Variants in TGFBR2 observed in about 807,000 individuals in gnomAD.
TGFBR2 encodes transforming growth factor beta receptor 2, also known as TGF-beta receptor type-2.
In TGFBR2, 18 loss-of-function variants were observed where a neutral mutation model predicts 49.0. That is an observed-to-expected ratio of 0.37 (90% CI 0.25 to 0.54). TGFBR2 has a LOEUF of 0.54. Among genes scored for constraint, TGFBR2 ranks in the 20% least tolerant of loss-of-function variants. TGFBR2 has a pLI of 0.85. For missense variants in TGFBR2, 525 were observed against 722.6 expected (o/e 0.73, Z 3.13); for synonymous variants, 282 against 275.9 (o/e 1.02, Z -0.22).
At chr3:30,619,645 C>A (rs542887838) in intron 1 of TGFBR2, among the ~76,000 whole-genome samples, 2 of 152,230 alleles carry the variant, frequency 1.3e-5, no homozygotes, top group East Asian at 3.9e-4. Context: ...TTTTTGCTTA[C>A]AAATTTCCTA....
At chr3:30,643,827 G>A (rs1267368133) in intron 1 of TGFBR2, among the ~76,000 whole-genome samples, 1 of 152,220 alleles carries the variant, frequency 6.6e-6, no homozygotes, top group East Asian at 1.9e-4. Flanking sequence ...ATAAAACAGA[G>A]TTGCTATAGG....
intron 3 of TGFBR2, among the ~76,000 whole-genome samples, chr3:30,665,089 T>C (rs944374580): frequency 2.0e-5 from 3 of 152,212 alleles, no homozygotes; most frequent in Non-Finnish European, 2.9e-5. Context: ...AGAGAGATTC[T>C]TGTGAAGTTG....
At chr3:30,626,522 A>C (rs60697215) in intron 1 of TGFBR2, 1 of 152,308 alleles carries the variant, frequency 6.6e-6, no homozygotes, top group South Asian at 2.1e-4. Flanking sequence ...CCCCAGGGCC[A>C]TGCTACTCCA....
intron 1 of TGFBR2, among the ~76,000 whole-genome samples, chr3:30,629,281 C>G (rs1698393702): frequency 6.6e-6 from 1 of 152,194 alleles, no homozygotes; most frequent in Non-Finnish European, 1.5e-5. Flanking sequence ...TCCATGTGTC[C>G]TCATGGCTAC....
intron 4 of TGFBR2, 30 bp from the exon 5 acceptor site, chr3:30,674,075 G>A (rs1214081617): frequency 6.2e-7 from 1 of 1,613,978 alleles, no homozygotes; most frequent in Non-Finnish European, 8.5e-7. Flanking sequence ...GGAATTAAAT[G>A]ATGGGCCTCA....
At chr3:30,646,430 A>G (rs568023103) in intron 2 of TGFBR2, among the ~76,000 whole-genome samples, 17 of 152,334 alleles carry the variant, frequency 1.1e-4, no homozygotes, top group African/African-American at 3.8e-4. Context: ...TGGCCTGGGC[A>G]ATTAGACATG....
intron 3 of TGFBR2, among the ~76,000 whole-genome samples, chr3:30,660,533 C>T (rs953736873): frequency 6.6e-6 from 1 of 152,132 alleles, no homozygotes; most frequent in Non-Finnish European, 1.5e-5. Flanking sequence ...TCACGTTCCC[C>T]CTGTAGCCTG....
intron 1 of TGFBR2, among the ~76,000 whole-genome samples, chr3:30,632,686 C>G (rs1698459343): frequency 6.6e-6 from 1 of 152,128 alleles, no homozygotes; most frequent in Non-Finnish European, 1.5e-5. Context: ...TGGAATGTTA[C>G]CTTTCTAGCA....
chr3:30,670,454 C>A (rs565068167), intron 3 of TGFBR2, among the ~76,000 whole-genome samples: 1 of 152,270 alleles, frequency 6.6e-6, no homozygotes, highest in South Asian at 2.1e-4. Flanking sequence ...AGCATGAGGC[C>A]TGCTCATTAA....
intron 5 of TGFBR2, among the ~76,000 whole-genome samples, chr3:30,678,834 G>A (rs1412731964): frequency 1.3e-5 from 2 of 152,088 alleles, no homozygotes; most frequent in African/African-American, 4.8e-5. Context: ...CTATTGCAGA[G>A]GTGACTATTT....
chr3:30,670,641 G>A (rs375036422), intron 3 of TGFBR2, among the ~76,000 whole-genome samples: 12 of 152,174 alleles, frequency 7.9e-5, no homozygotes, highest in African/African-American at 2.7e-4. Flanking sequence ...TTTCACCAGA[G>A]CCAACAAGGC....
intron 1 of TGFBR2, among the ~76,000 whole-genome samples, chr3:30,640,968 A>G (rs978374487): frequency 6.6e-6 from 1 of 152,070 alleles, no homozygotes; most frequent in African/African-American, 2.4e-5. Context: ...ATGTTGTTTG[A>G]TATCTGAGGT....
At chr3:30,643,190 C>T (rs1698674849) in intron 1 of TGFBR2, among the ~76,000 whole-genome samples, 1 of 152,148 alleles carries the variant, frequency 6.6e-6, no homozygotes, top group Non-Finnish European at 1.5e-5. Context: ...TAGGCAAGAG[C>T]GGAGGGAACA....
chr3:30,616,469 G>A (rs2125447735), intron 1 of TGFBR2, among the ~76,000 whole-genome samples: 1 of 152,328 alleles, frequency 6.6e-6, no homozygotes, highest in South Asian at 2.1e-4. Flanking sequence ...CTAGGAGACA[G>A]CTGGTAAAGA....
At chr3:30,655,574 G>T (rs1043831895) in intron 3 of TGFBR2, among the ~76,000 whole-genome samples, 1 of 152,212 alleles carries the variant, frequency 6.6e-6, no homozygotes, top group Admixed American at 6.5e-5. Flanking sequence ...CAACCCACAA[G>T]TGCCTTTCAC....
chr3:30,636,448 G>C (rs188799101), intron 1 of TGFBR2, among the ~76,000 whole-genome samples: 19 of 152,182 alleles, frequency 1.2e-4, no homozygotes, highest in African/African-American at 4.6e-4. Flanking sequence ...TCTGATCCTG[G>C]TGCCCAGAGG....
intron 5 of TGFBR2, among the ~76,000 whole-genome samples, chr3:30,687,400 T>C (rs886188995): frequency 2.0e-5 from 3 of 152,186 alleles, no homozygotes; most frequent in African/African-American, 7.2e-5. Flanking sequence ...TTTTGTTTTT[T>C]ATTTTGTATA....
intron 3 of TGFBR2, among the ~76,000 whole-genome samples, chr3:30,656,490 A>ATGTT (rs1699002505): frequency 6.6e-6 from 1 of 152,118 alleles, no homozygotes; most frequent in African/African-American, 2.4e-5. Flanking sequence ...AATGAAGGAG[A>ATGTT]TGTTTGGTGG....
intron 5 of TGFBR2, among the ~76,000 whole-genome samples, chr3:30,677,691 T>C (rs1331271410): frequency 1.3e-5 from 2 of 152,244 alleles, no homozygotes; most frequent in Admixed American, 1.3e-4. Context: ...CTTTGGAAAG[T>C]ACACGAAGCC....
Sources: gnomAD v4.1 joint callset for allele counts (sites outside exome capture counted in the v4.1 genomes callset) on GRCh38, gnomAD v4.1.1 for gene constraint, MANE v1.5 for transcripts, NCBI Gene and HGNC (gene_info 2026-07-23, HGNC 2026-07-21) for gene names.